The following SPIDR variants were observed in gnomAD, a reference collection of about 807,000 sequenced individuals.
SPIDR encodes DNA repair-scaffolding protein.
SPIDR carries 93 observed loss-of-function variants against 104.6 expected under a neutral mutation model. The ratio of observed to expected loss-of-function variants is 0.89; its 90% CI spans 0.75 to 1.06. The LOEUF (loss-of-function observed/expected upper bound fraction) is 1.06, where lower values mean the gene tolerates loss of function less well. Ranked by LOEUF, SPIDR falls within the 50% of genes least tolerant of loss-of-function variation. The pLI, the probability that SPIDR is intolerant of heterozygous loss-of-function variation, is 0.00. For missense variants in SPIDR, 1,154 were observed against 1,111.2 expected (o/e 1.04, Z -0.55); for synonymous variants, 431 against 416.9 (o/e 1.03, Z -0.41).
chr8:47,558,851 G>A (rs554911057), intron 8 of SPIDR, among the ~76,000 whole-genome samples: 3 of 152,176 alleles, frequency 2.0e-5, no homozygotes, highest in African/African-American at 4.8e-5. Flanking sequence ...TGTGTTAGCC[G>A]GGATGAGTGT....
chr8:47,595,979 T>G lies in SPIDR; in HGVS notation c.1266T>G (p.Gly422=). 2 of 1,612,068 alleles carry G rather than the reference T, an allele frequency of 1.2e-6. No homozygotes were observed. Among genetic ancestry groups the G allele is most frequent in the Non-Finnish European group, 1.7e-6 (2 of 1,179,490 alleles). The change falls in exon 9 of 20, where the codon GGT becomes GGG. Residue 422 remains glycine, a synonymous_variant. Coordinates refer to ENST00000297423, the MANE Select transcript of SPIDR (RefSeq NM_001080394.4). ...ISLAQMFVIK[G]LTNNSPEIQV... Reference sequence around the variant, plus strand: ...TGGCCCAGATGTTTGTAATTAAGGGTCTAACAAATAATTCACCTGAAATCC... The same window carrying G: ...TGGCCCAGATGTTTGTAATTAAGGGGCTAACAAATAATTCACCTGAAATCC...
intron 5 of SPIDR, chr8:47,357,947 A>G: frequency 4.0e-6 from 3 of 757,568 alleles, no homozygotes; most frequent in Non-Finnish European, 3.2e-6. Context: ...GTAGTCACGA[A>G]TATATGTGTG....
intron 5 of SPIDR, among the ~76,000 whole-genome samples, chr8:47,348,734 A>G (rs567339240): frequency 4.6e-5 from 7 of 151,952 alleles, no homozygotes; most frequent in Admixed American, 6.6e-5. Flanking sequence ...TTCCACTTCA[A>G]TGAATCGGCT....
rs1554695714 is a variant in SPIDR, at chr8:47,440,360, G to A, written c.915G>A (p.Glu305=). ...GTGTATTAACTGTGAAAATTTTAGA[G>A]CTGCATGAGGAATGTGCCATGCAAG... ...KSGVLTVKIL[E]LHEECAMQVA... Residue 305 remains glutamate, a synonymous_variant, in exon 8 of 20, where the codon GAG becomes GAA. Transcript: ENST00000297423. 6.2e-7 allele frequency: 1 copy of A among 1,614,142 alleles called. No individual in the cohort carries two copies. Among genetic ancestry groups the A allele is most frequent in the Non-Finnish European group, 8.5e-7 (1 of 1,180,018 alleles).
chr8:47,542,648 TA>T (rs2088447253), intron 8 of SPIDR, among the ~76,000 whole-genome samples: 1 of 152,194 alleles, frequency 6.6e-6, no homozygotes, highest in African/African-American at 2.4e-5. Context: ...GAGGTAATTG[TA>T]GATTCGCATG....
In SPIDR at chr8:47,688,803, G is replaced by A. The variant is rs966142081; in HGVS notation, c.1686-11600G>A. On this transcript the variant is annotated intron_variant, in intron 11 of 19. Transcript: ENST00000297423. ...CCTCCATTTCTGTTAGCATAGTAGA[G>A]TTCCTGCTGCTCTGCTGTCTTTCCA... 1.1e-4 allele frequency among the ~76,000 whole-genome samples: 16 copies of A among 152,196 alleles called. 1 individual carries two copies. The highest frequency in any genetic ancestry group is 2.7e-4 in the African/African-American group (11 of 41,426).
chr8:47,317,972 G>C (rs778138101), intron 5 of SPIDR, among the ~76,000 whole-genome samples: 2 of 152,148 alleles, frequency 1.3e-5, no homozygotes, highest in Non-Finnish European at 2.9e-5. Flanking sequence ...CCCAAAGGTA[G>C]ATAAAACCAC....
chr8:47,613,959 C>T (rs1430026239), intron 10 of SPIDR, among the ~76,000 whole-genome samples: 1 of 152,088 alleles, frequency 6.6e-6, no homozygotes, highest in Non-Finnish European at 1.5e-5. Context: ...ACCTATCAAC[C>T]CATCACCTGG....
intron 8 of SPIDR, among the ~76,000 whole-genome samples, chr8:47,578,493 A>G (rs1317193535): frequency 4.6e-5 from 7 of 152,076 alleles, no homozygotes; most frequent in Admixed American, 3.9e-4. Flanking sequence ...AATAATAATA[A>G]TCAAATAGAA....
chr8:47,392,509 C>T (rs1179195033), intron 5 of SPIDR, among the ~76,000 whole-genome samples: 1 of 152,214 alleles, frequency 6.6e-6, no homozygotes, highest in Non-Finnish European at 1.5e-5. Flanking sequence ...GGGTAGTTGG[C>T]ATTCAGTATA....
At chr8:47,644,742 A>G (rs1170342654) in intron 10 of SPIDR, among the ~76,000 whole-genome samples, 1 of 152,194 alleles carries the variant, frequency 6.6e-6, no homozygotes, top group African/African-American at 2.4e-5. Context: ...CCCAATTATT[A>G]TGAGACATAA....
chr8:47,648,675 C>T (rs1229700095), intron 10 of SPIDR, among the ~76,000 whole-genome samples: 1 of 152,098 alleles, frequency 6.6e-6, no homozygotes, highest in African/African-American at 2.4e-5. Context: ...AGATAAAATA[C>T]AAGATGAGCC....
intron 8 of SPIDR, among the ~76,000 whole-genome samples, chr8:47,500,645 A>C (rs2080250369): frequency 6.6e-6 from 1 of 152,086 alleles, no homozygotes; most frequent in Non-Finnish European, 1.5e-5. Flanking sequence ...TCTTTAGTTT[A>C]ATTGAATCCC....
In SPIDR at chr8:47,735,482, G is replaced by GTGGC; in HGVS notation, c.*35_*38dup. ...CCGCAGGATCTGTGAACTTTGCAAT[G>GTGGC]TGGCTGCAAGGGTGGTGGTGGTGGT... On this transcript the variant is annotated 3_prime_UTR_variant, in exon 20 of 20. Coordinates refer to ENST00000297423, the MANE Select transcript of SPIDR (RefSeq NM_001080394.4). 6.2e-7 allele frequency: 1 copy of GTGGC among 1,614,158 alleles called. No individual in the cohort carries two copies. Among genetic ancestry groups the GTGGC allele is most frequent in the Non-Finnish European group, 8.5e-7 (1 of 1,180,024 alleles).
chr8:47,669,925 A>T (rs1490748087), intron 10 of SPIDR, among the ~76,000 whole-genome samples: 1 of 152,188 alleles, frequency 6.6e-6, no homozygotes, highest in Non-Finnish European at 1.5e-5. Context: ...GCTTGAACCC[A>T]GGAGGCGGAG....
intron 5 of SPIDR, among the ~76,000 whole-genome samples, chr8:47,299,637 T>C (rs1434798912): frequency 1.5e-4 from 23 of 152,208 alleles, no homozygotes; most frequent in Non-Finnish European, 3.1e-4. Context: ...CAATACCTAA[T>C]TTATTGAGAG....
chr8:47,646,254 T>C (rs746714473), intron 10 of SPIDR, among the ~76,000 whole-genome samples: 6 of 152,212 alleles, frequency 3.9e-5, no homozygotes, highest in Non-Finnish European at 8.8e-5. Flanking sequence ...TCTAAAATTT[T>C]AGTAACTTTT....
At chr8:47,595,697 G>T in intron 8 of SPIDR, 114 bp from the exon 9 acceptor site, 1 of 937,750 alleles carries the variant, frequency 1.1e-6, no homozygotes, top group Non-Finnish European at 1.6e-6. Context: ...GGGTGGGCTT[G>T]GCTTTAGCTG....
intron 11 of SPIDR, among the ~76,000 whole-genome samples, chr8:47,684,022 A>T (rs1452624261): frequency 6.8e-6 from 1 of 147,848 alleles, no homozygotes; most frequent in Admixed American, 6.9e-5. Context: ...GCTACTCAGT[A>T]GGCTGAGGCA....
Sources: gnomAD v4.1 joint callset for allele counts (sites outside exome capture counted in the v4.1 genomes callset) on GRCh38, gnomAD v4.1.1 for gene constraint, MANE v1.5 for transcripts, NCBI Gene and HGNC (gene_info 2026-07-23, HGNC 2026-07-21) for gene names.